The following PFKFB3 variants were observed in gnomAD, a reference collection of about 807,000 sequenced individuals.
PFKFB3 encodes 6-phosphofructo-2-kinase/fructose-2,6-bisphosphatase 3.
PFKFB3 carries 33 observed loss-of-function variants against 68.0 expected under a neutral mutation model. That is an observed-to-expected ratio of 0.49 (90% CI 0.37 to 0.65). The LOEUF (loss-of-function observed/expected upper bound fraction) is 0.65, where lower values mean the gene tolerates loss of function less well. Among genes scored for constraint, PFKFB3 ranks in the 30% least tolerant of loss-of-function variants. The probability of loss-of-function intolerance (pLI) is 0.00; values close to 1 mark genes in which losing one functional copy is unlikely to be tolerated. For synonymous variants in PFKFB3, 315 were observed against 288.2 expected (o/e 1.09, Z -0.94); for missense variants, 586 against 712.2 (o/e 0.82, Z 2.02).
chr10:6,181,018 T>G (rs1039599686), intron 1 of PFKFB3, among the ~76,000 whole-genome samples: 1 of 152,098 alleles, frequency 6.6e-6, no homozygotes, highest in Non-Finnish European at 1.5e-5. Context: ...TTTATTTTCA[T>G]TTGTAATTAT....
chr10:6,237,826 A>G (rs770653809), downstream of PFKFB3, among the ~76,000 whole-genome samples: 8 of 151,950 alleles, frequency 5.3e-5, no homozygotes, highest in Non-Finnish European at 1.2e-4. Flanking sequence ...TTAACCTCCC[A>G]AAGTGCTGGG....
chr10:6,189,254 T>C (rs938373688), intron 1 of PFKFB3, among the ~76,000 whole-genome samples: 2 of 152,256 alleles, frequency 1.3e-5, no homozygotes, highest in African/African-American at 4.8e-5. Context: ...TTGTGAATGA[T>C]GCTGCAATGG....
the PFKFB3 span, among the ~76,000 whole-genome samples, chr10:6,310,291 A>AC: frequency 6.6e-6 from 1 of 151,076 alleles, no homozygotes; most frequent in Non-Finnish European, 1.5e-5. Flanking sequence ...TCTCGTTGGG[A>AC]TTTTTTTTTC....
In PFKFB3 at chr10:6,229,633, C is replaced by G. The variant is rs759937121; in HGVS notation, c.1516-3262C>G. On this transcript the variant is annotated intron_variant, in intron 14 of 14. Coordinates refer to ENST00000379775, the MANE Select transcript of PFKFB3 (RefSeq NM_004566.4). The surrounding 1 kb of genome is among the most constrained non-coding windows in gnomAD (Gnocchi z 4.3). ...ATCCTCAGGGCCAGTGTCTGTGATG[C>G]GCGGGGCCAGCGTGCAGTGCTTCAG... Among the ~76,000 whole-genome samples, 3 of 152,170 alleles carry G rather than the reference C, an allele frequency of 2.0e-5. No homozygotes were observed. The East Asian group carries it at 5.8e-4, about 29-fold the overall frequency.
At chr10:6,169,016 G>GCACGA (rs143686262) in intron 1 of PFKFB3, among the ~76,000 whole-genome samples, 1 of 151,808 alleles carries the variant, frequency 6.6e-6, no homozygotes, top group Non-Finnish European at 1.5e-5. Flanking sequence ...GAGTGCACTG[G>GCACGA]TCACTGCAAC....
the PFKFB3 span, among the ~76,000 whole-genome samples, chr10:6,308,999 A>G: frequency 6.6e-6 from 1 of 152,238 alleles, no homozygotes; most frequent in African/African-American, 2.4e-5. Flanking sequence ...GATGCTCTAC[A>G]GGACAAACAA....
upstream of PFKFB3, among the ~76,000 whole-genome samples, chr10:6,200,874 G>C (rs114077194): frequency 6.6e-6 from 1 of 152,192 alleles, no homozygotes; most frequent in East Asian, 1.9e-4. Flanking sequence ...AGAGCTGACC[G>C]CTGTCAGATG....
At chr10:6,156,317 CT>C (rs1040205353) in intron 1 of PFKFB3, among the ~76,000 whole-genome samples, 2 of 149,802 alleles carry the variant, frequency 1.3e-5, no homozygotes, top group South Asian at 2.1e-4. Context: ...CCACAGTCTG[CT>C]TTTTTTTTCA....
chr10:6,206,663 G>A lies in PFKFB3; in HGVS notation c.76+3327G>A, dbSNP rs1179767232. ...ATCCCAGATGGGGCGGCGGGGCAGA[G>A]ACGCTCCCCACATCTCAGACGATGG... On this transcript the variant is annotated intron_variant, in intron 1 of 14. Coordinates refer to ENST00000379775, the MANE Select transcript of PFKFB3 (RefSeq NM_004566.4). Among the ~76,000 whole-genome samples the A allele has an allele frequency of 1.3e-4, 19 of 151,920 alleles. No homozygotes were observed. The South Asian group carries it at 3.1e-3, about 25-fold the overall frequency.
intron 1 of PFKFB3, among the ~76,000 whole-genome samples, chr10:6,177,404 C>CTTTCTTTCTT (rs1564599668): frequency 7.4e-6 from 1 of 135,786 alleles, no homozygotes; most frequent in African/African-American, 2.7e-5. Context: ...TTCTTTCTTT[C>CTTTCTTTCTT]TTTCTTCTTT....
At chr10:6,178,641 A>G (rs1475942813) in intron 1 of PFKFB3, among the ~76,000 whole-genome samples, 5 of 152,082 alleles carry the variant, frequency 3.3e-5, no homozygotes, top group Non-Finnish European at 7.4e-5. Flanking sequence ...CGTGGAGATG[A>G]CTGGGGAGCA....
the PFKFB3 span, among the ~76,000 whole-genome samples, chr10:6,320,634 A>G: frequency 2.6e-5 from 4 of 152,110 alleles, no homozygotes; most frequent in East Asian, 7.7e-4. Flanking sequence ...TATGTTGCCC[A>G]GGCTGGTCTT....
At position 6,191,325 on chromosome 10, in the gene PFKFB3, A is replaced by G. The variant is rs1287287429; in HGVS notation, c.17-22298A>G. On this transcript the variant is annotated intron_variant, in intron 1 of 14. Coordinates refer to the PFKFB3 transcript ENST00000379789. ...GAATCCCCACCAGCAGGGACCGCTCAAGACCCGTTGCGTGCCAAGGGTCTT... is the reference window on the plus strand; with the variant it reads ...GAATCCCCACCAGCAGGGACCGCTCGAGACCCGTTGCGTGCCAAGGGTCTT... Among the ~76,000 whole-genome samples the G allele has an allele frequency of 3.3e-5, 5 of 152,250 alleles. No homozygotes were observed. In the East Asian group the frequency reaches 9.6e-4, roughly 29 times the overall value.
chr10:6,206,015 G>A (rs918372713), intron 1 of PFKFB3, among the ~76,000 whole-genome samples: 6 of 149,748 alleles, frequency 4.0e-5, no homozygotes, highest in African/African-American at 1.2e-4. Flanking sequence ...GGTGTTTCTC[G>A]CAGAGGGGGA....
intron 1 of PFKFB3, among the ~76,000 whole-genome samples, chr10:6,196,118 G>A: frequency 6.6e-6 from 1 of 151,470 alleles, no homozygotes; most frequent in East Asian, 1.9e-4. Context: ...GTGCTGCCTC[G>A]TGAGCTTGCC....
intron 12 of PFKFB3, 22 bp downstream of exon 12, chr10:6,224,042 G>A (rs1165116107): frequency 1.2e-6 from 2 of 1,613,936 alleles, no homozygotes; most frequent in African/African-American, 1.3e-5. Flanking sequence ...CCCCTGCCAA[G>A]CCCTGTCCCC....
chr10:6,226,852 G>A (rs1054323603), intron 14 of PFKFB3, among the ~76,000 whole-genome samples: 8 of 152,214 alleles, frequency 5.3e-5, no homozygotes, highest in African/African-American at 1.9e-4. Context: ...TTGGGAGGCC[G>A]AGGTGGGCGG....
At chr10:6,197,124 A>T (rs1471141278) in intron 1 of PFKFB3, among the ~76,000 whole-genome samples, 1 of 151,990 alleles carries the variant, frequency 6.6e-6, no homozygotes, top group African/African-American at 2.4e-5. Context: ...AGCTAGGATT[A>T]TAGGTCCCCG....
chr10:6,224,262 C>G (rs772757827), intron 13 of PFKFB3, 49 bp downstream of exon 13: 2 of 1,581,426 alleles, frequency 1.3e-6, no homozygotes, highest in African/African-American at 1.3e-5. Flanking sequence ...CACGATAGCC[C>G]TAGTGGGTGA....
Sources: allele counts gnomAD v4.1 joint callset (sites outside exome capture counted in the v4.1 genomes callset), GRCh38; gene constraint gnomAD v4.1.1; non-coding constraint Gnocchi (gnomAD v3.1); transcripts MANE v1.5; gene names NCBI Gene and HGNC (gene_info 2026-07-23, HGNC 2026-07-21).